Variants in INVS observed in about 807,000 individuals in gnomAD.
INVS encodes inversion of embryo turning homolog.
A neutral mutation model predicts 108.8 loss-of-function variants in INVS; 86 were observed. The observed-to-expected ratio is 0.79, with a 90% CI of 0.66 to 0.95. The LOEUF is 0.95. INVS is among the 40% of genes least tolerant of loss of function. INVS has a pLI of 0.00. For missense variants in INVS, 1,169 were observed against 1,297.4 expected (o/e 0.90, Z 1.52); for synonymous variants, 455 against 473.5 (o/e 0.96, Z 0.51).
Position 100,244,207 on chromosome 9 carries a change from C to A in INVS, c.906+1528C>A, listed in dbSNP as rs186761455. 8.1e-4 allele frequency among the ~76,000 whole-genome samples: 124 copies of A among 152,186 alleles called. 2 individuals are homozygous for A. The East Asian group carries it at 0.021, about 26-fold the overall frequency. The stretch of plus-strand genomic sequence containing the variant: ...CCTAATAACTTATTCAATTTACCAC[C>A]TAGAGTTTTGACAAATCATTATCTA... On this transcript the variant is annotated intron_variant, in intron 7 of 16. Transcript: ENST00000262457.
chr9:100,173,492 C>A (rs1341898391), intron 3 of INVS, among the ~76,000 whole-genome samples: 1 of 152,128 alleles, frequency 6.6e-6, no homozygotes, highest in African/African-American at 2.4e-5. Context: ...CTTTGGGAGG[C>A]CAAGGCAGGT....
At chr9:100,288,590 T>C (rs964461842) in intron 13 of INVS, among the ~76,000 whole-genome samples, 1 of 151,982 alleles carries the variant, frequency 6.6e-6, no homozygotes. Context: ...ACCTCAAATA[T>C]TTTTGAGTCT....
chr9:100,168,396 A>G (rs1239868700), intron 3 of INVS, among the ~76,000 whole-genome samples: 3 of 152,184 alleles, frequency 2.0e-5, no homozygotes, highest in Non-Finnish European at 4.4e-5. Flanking sequence ...GTTCATTTTT[A>G]TACCATTTAT....
chr9:100,117,538 G>A, intron 2 of INVS: 2 of 1,065,032 alleles, frequency 1.9e-6, no homozygotes, highest in Non-Finnish European at 2.8e-6. Context: ...GGCCCCGGAT[G>A]CCACTGCGGA....
intron 3 of INVS, among the ~76,000 whole-genome samples, chr9:100,219,738 A>G (rs1343060425): frequency 6.6e-6 from 1 of 152,226 alleles, no homozygotes; most frequent in East Asian, 1.9e-4. Flanking sequence ...ATATGACAGC[A>G]TACTTATTCC....
At chr9:100,231,877 G>A (rs1256251688) in intron 5 of INVS, among the ~76,000 whole-genome samples, 1 of 152,180 alleles carries the variant, frequency 6.6e-6, no homozygotes, top group East Asian at 1.9e-4. Context: ...CCAGTAAGAG[G>A]ATTCCTGGGT....
At chr9:100,130,748 A>T (rs1402210281) in intron 3 of INVS, 3 of 152,188 alleles carry the variant, frequency 2.0e-5, no homozygotes, top group Non-Finnish European at 4.4e-5. Flanking sequence ...GTATACCTTC[A>T]TTCATTCAAC....
chr9:100,277,354 G>A (rs1354692170), intron 12 of INVS, among the ~76,000 whole-genome samples: 1 of 152,146 alleles, frequency 6.6e-6, no homozygotes. Flanking sequence ...ATTGTTAATG[G>A]TTGGCCCATG....
intron 7 of INVS, among the ~76,000 whole-genome samples, chr9:100,244,100 G>T (rs527883025): frequency 6.6e-6 from 1 of 152,178 alleles, no homozygotes; most frequent in South Asian, 2.1e-4. Context: ...TAAATACTCA[G>T]ATCTCTAAAA....
chr9:100,181,375 A>G (rs12380652), intron 3 of INVS, among the ~76,000 whole-genome samples: 29,349 of 152,086 alleles, frequency 0.19, 4,519 homozygotes, highest in African/African-American at 0.43. Flanking sequence ...AAATCCCATC[A>G]TCTCAACCCA....
chr9:100,189,819 G>A (rs1830169456), intron 3 of INVS, among the ~76,000 whole-genome samples: 1 of 151,906 alleles, frequency 6.6e-6, no homozygotes, highest in South Asian at 2.1e-4. Context: ...TGAACTCCTG[G>A]TTTCAAGCAA....
Position 100,242,636 on chromosome 9 carries a change from A to C in INVS, c.863A>C (p.Gln288Pro), listed in dbSNP as rs770253917. 1 of 1,612,226 alleles carries C rather than the reference A, an allele frequency of 6.2e-7. No homozygotes were observed. The highest frequency in any genetic ancestry group is 8.5e-7 in the Non-Finnish European group (1 of 1,178,392). ...TCTGGAACTATCCCATCTGACAGCC[A>C]AGGAGCCACACCTTTGCACTATGCT... ...NKSGTIPSDS[Q>P]GATPLHYAAQ... The change falls in exon 7 of 17, where the codon CAA becomes CCA. Residue 288 changes from glutamine (Q) to proline (P), a missense_variant. This residue lies in a region of INVS where 365 missense variants were observed against 397.5 expected (regional missense o/e 0.92). Coordinates refer to ENST00000262457, the MANE Select transcript of INVS (RefSeq NM_014425.5).
intron 2 of INVS, among the ~76,000 whole-genome samples, chr9:100,114,796 A>G (rs1311861760): frequency 6.6e-6 from 1 of 152,154 alleles, no homozygotes; most frequent in African/African-American, 2.4e-5. Flanking sequence ...TTAGTGAGCT[A>G]TATTCCATTT....
intron 3 of INVS, among the ~76,000 whole-genome samples, chr9:100,186,669 A>C (rs1380502258): frequency 6.6e-6 from 1 of 151,578 alleles, no homozygotes; most frequent in African/African-American, 2.4e-5. Context: ...ATCTTTTTTG[A>C]GATGTCTATT....
At position 100,117,250 on chromosome 9, in the gene INVS, A is replaced by C. The variant is rs962883817; in HGVS notation, c.107-9133A>C. The C allele has an allele frequency of 4.9e-6, 4 of 817,020 alleles. No homozygotes were observed. The South Asian group carries it at 6.0e-5, about 12-fold the overall frequency. 50.6% of individuals were successfully genotyped at this position (817,020 alleles called of 1,614,324 possible). ...CGTGGCCGTTGTAGTCCCCGATAGC[A>C]ACAAACGCTTTGAACCTGGTGCTCT... On this transcript the variant is annotated intron_variant, in intron 2 of 16. Transcript: ENST00000262457.
At position 100,143,163 on chromosome 9, in the gene INVS, A is replaced by G. The variant is rs150811186; in HGVS notation, c.273+16614A>G. ...GGGATGAAGGGTGCAAAGGAATAGC[A>G]AACAAAGCATGTTTGAGATCTAGAA... On this transcript the variant is annotated intron_variant, in intron 3 of 16. Transcript: ENST00000262457. 7.0e-3 allele frequency among the ~76,000 whole-genome samples: 1,062 copies of G among 152,262 alleles called. 11 individuals carry two copies. Among genetic ancestry groups the G allele is most frequent in the Middle Eastern group, 0.014 (4 of 294 alleles).
chr9:100,189,631 A>T (rs1458264357), intron 3 of INVS, among the ~76,000 whole-genome samples: 1 of 151,754 alleles, frequency 6.6e-6, no homozygotes, highest in Non-Finnish European at 1.5e-5. Context: ...ATTATCTTTG[A>T]TATGATTTTG....
chr9:100,217,631 C>T (rs144939482), intron 3 of INVS, among the ~76,000 whole-genome samples: 2 of 152,272 alleles, frequency 1.3e-5, no homozygotes, highest in Non-Finnish European at 2.9e-5. Context: ...TTGGGAATCT[C>T]CAGCTTTTAG....
intron 5 of INVS, among the ~76,000 whole-genome samples, chr9:100,230,667 C>T (rs1564167920): frequency 2.0e-5 from 3 of 151,950 alleles, no homozygotes; most frequent in African/African-American, 2.4e-5. Context: ...TGCAGGCGTG[C>T]GCCACCGTGC....
Sources: allele counts gnomAD v4.1 joint callset (sites outside exome capture counted in the v4.1 genomes callset), GRCh38; gene constraint gnomAD v4.1.1; regional missense constraint gnomAD v4.1.1; transcripts MANE v1.5; gene names NCBI Gene and HGNC (gene_info 2026-07-23, HGNC 2026-07-21).